Variants in DTNBP1 observed in about 807,000 individuals in gnomAD.
DTNBP1 encodes the protein dysbindin.
DTNBP1 carries 35 observed loss-of-function variants against 42.8 expected under a neutral mutation model. The observed-to-expected ratio is 0.82, with a 90% CI of 0.63 to 1.09. The LOEUF (loss-of-function observed/expected upper bound fraction) is 1.09. DTNBP1 is among the 50% of genes least tolerant of loss of function. The pLI, the probability that DTNBP1 is intolerant of heterozygous loss-of-function variation, is 0.00. For synonymous variants in DTNBP1, 171 were observed against 162.2 expected, an observed-to-expected ratio of 1.05 and a Z score of -0.41; for missense variants, 457 against 424.2, an observed-to-expected ratio of 1.08 and a Z score of -0.68.
intron 6 of DTNBP1, among the ~76,000 whole-genome samples, chr6:15,607,279 A>G (rs1422530807): frequency 6.6e-6 from 1 of 151,494 alleles, no homozygotes; most frequent in Non-Finnish European, 1.5e-5. Context: ...GATTACAGGC[A>G]TGAGCCACTG....
intron 1 of DTNBP1, among the ~76,000 whole-genome samples, chr6:15,662,091 G>C (rs114874683): frequency 2.9e-3 from 446 of 152,344 alleles, no homozygotes; most frequent in Non-Finnish European, 5.1e-3. Flanking sequence ...CAACAGGTAG[G>C]GGGTGAGACC....
At chr6:15,645,280 G>GTAA (rs1229201489) in intron 3 of DTNBP1, among the ~76,000 whole-genome samples, 1 of 151,416 alleles carries the variant, frequency 6.6e-6, no homozygotes, top group Admixed American at 6.6e-5. Context: ...AATTCAATCA[G>GTAA]TAATAATAAT....
intron 5 of DTNBP1, among the ~76,000 whole-genome samples, chr6:15,622,770 C>A (rs566826411): frequency 3.3e-5 from 5 of 152,170 alleles, no homozygotes; most frequent in African/African-American, 4.8e-5. Flanking sequence ...CAAATTTTTG[C>A]AAGAAGGCCG....
intron 7 of DTNBP1, among the ~76,000 whole-genome samples, chr6:15,576,396 T>G (rs1309746445): frequency 6.6e-6 from 1 of 151,508 alleles, no homozygotes; most frequent in Non-Finnish European, 1.5e-5. Flanking sequence ...GTGCTGGGAT[T>G]ACAGGCATGA....
Position 15,553,593 on chromosome 6 carries a change from G to GTTTTTTTTTTTTTTTTT in DTNBP1, c.512-20199_512-20198insAAAAAAAAAAAAAAAAA, listed in dbSNP as rs1168459056. On this transcript the variant is annotated intron_variant, in intron 7 of 9. Coordinates refer to ENST00000344537, the MANE Select transcript of DTNBP1 (RefSeq NM_032122.5). ...GCAGTTCAATGCTCTTGACAAGTGA[G>GTTTTTTTTTTTTTTTTT]CTTTTTTTTTTTTGGCCTCAGACAG... Among the ~76,000 whole-genome samples the GTTTTTTTTTTTTTTTTT allele has an allele frequency of 5.6e-4, 8 of 14,260 alleles. 1 individual carries two copies. Among genetic ancestry groups the GTTTTTTTTTTTTTTTTT allele is most frequent in the Non-Finnish European group, 8.4e-4 (7 of 8,306 alleles). The allele number at this position is 14,260 out of a possible 152,430, so 9.4% of individuals were successfully genotyped here. A position where few individuals can be genotyped will look rare whatever the true frequency, so the allele number is the denominator to read the frequency against.
chr6:15,588,874 T>C (rs1021095760), intron 7 of DTNBP1, among the ~76,000 whole-genome samples: 7 of 152,258 alleles, frequency 4.6e-5, no homozygotes, highest in Non-Finnish European at 5.9e-5. Context: ...TCAAGTGTCA[T>C]GACCTCTCTC....
intron 7 of DTNBP1, among the ~76,000 whole-genome samples, chr6:15,559,997 G>A (rs1027238364): frequency 2.4e-4 from 37 of 152,206 alleles, no homozygotes; most frequent in Middle Eastern, 3.4e-3. Flanking sequence ...TGATTGTAAC[G>A]GTTACTATTT....
chr6:15,560,247 A>T (rs1036056415), intron 7 of DTNBP1, among the ~76,000 whole-genome samples: 3 of 152,080 alleles, frequency 2.0e-5, no homozygotes, highest in Admixed American at 1.3e-4. Context: ...TGGAGCTTGC[A>T]GTGAGCCGAG....
chr6:15,569,353 A>AT (rs1775237368), intron 7 of DTNBP1, among the ~76,000 whole-genome samples: 1 of 127,172 alleles, frequency 7.9e-6, no homozygotes. Context: ...GCCAGTTAAG[A>AT]CCCCCCCCCG....
At chr6:15,594,464 CAA>C (rs11417449) in intron 6 of DTNBP1, among the ~76,000 whole-genome samples, 2 of 74,052 alleles carry the variant, frequency 2.7e-5, no homozygotes, top group Admixed American at 1.4e-4. Context: ...GACTCTGTCT[CAA>C]AAAAAAAAAA....
In DTNBP1 at chr6:15,615,247, G is replaced by T; in HGVS notation, c.488+20C>A. ...ACTTCGAGACTGGAATGAATACTGT[G>T]GCAAACTTTTCAAACTCACCTCTTA... On this transcript the variant is annotated intron_variant, in intron 6 of 9. Transcript: ENST00000344537. 1.2e-6 allele frequency: 2 copies of T among 1,614,070 alleles called. No homozygotes were observed. Among genetic ancestry groups the T allele is most frequent in the Non-Finnish European group, 1.7e-6 (2 of 1,179,980 alleles).
At chr6:15,564,443 T>C (rs916419666) in intron 7 of DTNBP1, among the ~76,000 whole-genome samples, 2 of 152,134 alleles carry the variant, frequency 1.3e-5, no homozygotes, top group African/African-American at 4.8e-5. Context: ...GGTCTCACTC[T>C]ATTGCCCAGG....
At chr6:15,649,016 C>T (rs767605950) in intron 3 of DTNBP1, among the ~76,000 whole-genome samples, 2 of 151,890 alleles carry the variant, frequency 1.3e-5, no homozygotes, top group African/African-American at 4.8e-5. Flanking sequence ...AAATAGCGAG[C>T]GTTGGTGAGG....
Position 15,526,389 on chromosome 6 carries a change from C to T in DTNBP1, c.668-1720G>A, listed in dbSNP as rs531801117. Among the ~76,000 whole-genome samples, 22 of 152,328 alleles carry T rather than the reference C, an allele frequency of 1.4e-4. No individual in the cohort carries two copies. In the South Asian group the frequency reaches 2.3e-3, roughly 16 times the overall value. On this transcript the variant is annotated intron_variant, in intron 8 of 9. Transcript: ENST00000344537. Reference sequence around the variant, plus strand: ...AGGAGGGTGCTTAGAGCCACAGCGACGTGAGATTGCGGCTTCATCTGGGAG... The same window carrying T: ...AGGAGGGTGCTTAGAGCCACAGCGATGTGAGATTGCGGCTTCATCTGGGAG...
chr6:15,530,934 T>C (rs893000557), intron 8 of DTNBP1, among the ~76,000 whole-genome samples: 1 of 152,084 alleles, frequency 6.6e-6, no homozygotes, highest in East Asian at 1.9e-4. Context: ...AAAATTTGTA[T>C]GTTGAAGCCC....
intron 7 of DTNBP1, among the ~76,000 whole-genome samples, chr6:15,575,717 A>T (rs1010029725): frequency 6.6e-6 from 1 of 152,160 alleles, no homozygotes; most frequent in Admixed American, 6.6e-5. Context: ...CATGGAGGGG[A>T]AAAAACACTG....
chr6:15,626,077 C>T (rs1759326175), intron 5 of DTNBP1, among the ~76,000 whole-genome samples: 1 of 152,182 alleles, frequency 6.6e-6, no homozygotes, highest in Non-Finnish European at 1.5e-5. Flanking sequence ...ACTGAGAGCT[C>T]CCATCCCACT....
At chr6:15,532,255 T>G (rs1772894236) in intron 8 of DTNBP1, among the ~76,000 whole-genome samples, 1 of 152,232 alleles carries the variant, frequency 6.6e-6, no homozygotes, top group Non-Finnish European at 1.5e-5. Flanking sequence ...TGCCCACCCC[T>G]GCTGCACCTC....
intron 5 of DTNBP1, among the ~76,000 whole-genome samples, chr6:15,624,782 T>C (rs1759244488): frequency 6.6e-6 from 1 of 152,072 alleles, no homozygotes; most frequent in Non-Finnish European, 1.5e-5. Flanking sequence ...GTCAAGGTAT[T>C]TGGGTAATAA....
Sources: gnomAD v4.1 joint callset for allele counts (sites outside exome capture counted in the v4.1 genomes callset) on GRCh38, gnomAD v4.1.1 for gene constraint, MANE v1.5 for transcripts, NCBI Gene and HGNC (gene_info 2026-07-23, HGNC 2026-07-21) for gene names.